CCDC186: variants seen among roughly 807,000 people sequenced by gnomAD.
CCDC186 encodes coiled-coil domain-containing protein 186.
CCDC186 carries 49 observed loss-of-function variants against 113.7 expected under a neutral mutation model. The observed-to-expected ratio is 0.43, with a 90% CI of 0.34 to 0.55. The LOEUF (loss-of-function observed/expected upper bound fraction) is 0.55, where lower values mean the gene tolerates loss of function less well. Ranked by LOEUF, CCDC186 falls within the 20% of genes least tolerant of loss-of-function variation. The pLI, the probability that CCDC186 is intolerant of heterozygous loss-of-function variation, is 0.02. For missense variants in CCDC186, 890 were observed against 1,011.1 expected, an observed-to-expected ratio of 0.88 and a Z score of 1.62; for synonymous variants, 355 against 345.8, an observed-to-expected ratio of 1.03 and a Z score of -0.30.
In CCDC186 at chr10:114,174,017, C is replaced by T. The variant is rs1352002083; in HGVS notation, c.-64G>A. On this transcript the variant is annotated splice_region_variant and 5_prime_UTR_variant, in exon 1 of 16. Coordinates refer to ENST00000369287, the MANE Select transcript of CCDC186 (RefSeq NM_018017.4). Reference sequence around the variant, plus strand: ...CCGAGTACCCCTCAGACACTTACCCCACTTATCCAAGCCTCAGGCCACGCC... The same window carrying T: ...CCGAGTACCCCTCAGACACTTACCCTACTTATCCAAGCCTCAGGCCACGCC... The T allele has an allele frequency of 2.1e-6, 1 of 471,196 alleles. No individual in the cohort carries two copies. Among genetic ancestry groups the T allele is most frequent in the African/African-American group, 2.0e-5 (1 of 50,218 alleles). The allele number at this position is 471,196 out of a possible 1,614,324, so 29.2% of individuals were successfully genotyped here. A position where few individuals can be genotyped will look rare whatever the true frequency, so the allele number is the denominator to read the frequency against.
At chr10:114,137,934 G>A (rs547822623) in intron 6 of CCDC186, among the ~76,000 whole-genome samples, 1 of 149,566 alleles carries the variant, frequency 6.7e-6, no homozygotes, top group Admixed American at 6.8e-5. Flanking sequence ...TACTCAGGAA[G>A]GCTGAAGCAG....
intron 6 of CCDC186, among the ~76,000 whole-genome samples, chr10:114,137,893 G>A (rs929730136): frequency 2.0e-5 from 3 of 152,032 alleles, no homozygotes; most frequent in South Asian, 2.1e-4. Context: ...AAAATTAGCC[G>A]GGTGTGGTGG....
At chr10:114,173,849 G>A (rs1313354964) in intron 1 of CCDC186, among the ~76,000 whole-genome samples, 166 bp downstream of exon 1, 1 of 152,174 alleles carries the variant, frequency 6.6e-6, no homozygotes. Context: ...CCCTTCCTCC[G>A]CGCCCTCAAA....
At chr10:114,155,767 T>A (rs7902330) in intron 3 of CCDC186, among the ~76,000 whole-genome samples, 9,457 of 152,226 alleles carry the variant, frequency 0.062, 324 homozygotes, top group Non-Finnish European at 0.078. Flanking sequence ...ATCATTCCAA[T>A]ATTATCAATC....
chr10:114,138,982 G>A (rs1367764568), intron 6 of CCDC186, among the ~76,000 whole-genome samples: 1 of 152,144 alleles, frequency 6.6e-6, no homozygotes, highest in Non-Finnish European at 1.5e-5. Flanking sequence ...CTTTTCCATA[G>A]ATATAATTTA....
Position 114,162,747 on chromosome 10 carries a change from C to A in CCDC186, c.522G>T (p.Glu174Asp). The change falls in exon 2 of 16, where the codon GAG becomes GAT. Residue 174 changes from glutamate (E) to aspartate (D), a missense_variant. Glu to Asp is a conservative substitution (Grantham distance 45). Transcript: ENST00000369287. Reference protein sequence around the residue: ...EEIESELLSTEFAEHRVPNGM... With the variant: ...EEIESELLSTDFAEHRVPNGM... ...CATTTGGTACTCGATGTTCTGCAAACTCCGTAGATAAGAGCTCAGATTCTA... is the reference window on the plus strand; with the variant it reads ...CATTTGGTACTCGATGTTCTGCAAAATCCGTAGATAAGAGCTCAGATTCTA... 6.2e-7 allele frequency: 1 copy of A among 1,613,916 alleles called. No homozygotes were observed. The highest frequency in any genetic ancestry group is 1.1e-5 in the South Asian group (1 of 91,054).
At chr10:114,171,990 T>C (rs1406099087) in intron 1 of CCDC186, among the ~76,000 whole-genome samples, 2 of 152,304 alleles carry the variant, frequency 1.3e-5, no homozygotes, top group East Asian at 1.9e-4. Context: ...GATTAAATTA[T>C]CTATGATCTC....
intron 6 of CCDC186, among the ~76,000 whole-genome samples, chr10:114,143,208 T>A (rs1360328411): frequency 6.6e-6 from 1 of 152,228 alleles, no homozygotes; most frequent in African/African-American, 2.4e-5. Context: ...CCTGGTTTCA[T>A]CTGAGCTCAA....
At position 114,127,598 on chromosome 10, in the gene CCDC186, G is replaced by A. The variant is rs369111615; in HGVS notation, c.2256C>T (p.Asn752=). The A allele has an allele frequency of 1.9e-6, 3 of 1,613,856 alleles. No individual in the cohort carries two copies. The highest frequency in any genetic ancestry group is 2.5e-6 in the Non-Finnish European group (3 of 1,179,972). Residue 752 remains asparagine, a synonymous_variant, in exon 14 of 16, where the codon AAC becomes AAT. Coordinates refer to ENST00000369287, the MANE Select transcript of CCDC186 (RefSeq NM_018017.4). ...ACATGGCCTTATCTACTTGTGGAAA[G>A]TTATCCACAGCTACTGAGGACCCAG... The part of the protein sequence containing the change: ...ENTGSSVAVD[N]FPQVDKAMLI...
chr10:114,130,642 G>A (rs2031057622), intron 12 of CCDC186: 2 of 152,072 alleles, frequency 1.3e-5, no homozygotes, highest in African/African-American at 2.4e-5. Context: ...GACGCATCTC[G>A]GGTATCTGCA....
intron 1 of CCDC186, among the ~76,000 whole-genome samples, chr10:114,171,676 T>C (rs1004862894): frequency 6.6e-6 from 1 of 152,222 alleles, no homozygotes; most frequent in Non-Finnish European, 1.5e-5. Context: ...CCAGAGTTGG[T>C]TAATTTGGTA....
At position 114,164,114 on chromosome 10, in the gene CCDC186, ATTTT is replaced by A. The variant is rs35615169; in HGVS notation, c.-61-789_-61-786del. On this transcript the variant is annotated intron_variant, in intron 1 of 15. Coordinates refer to ENST00000369287, the MANE Select transcript of CCDC186 (RefSeq NM_018017.4). Reference sequence around the variant, plus strand: ...TGTGTGTGTGTGTGTATATATATATATTTTTTTTTTTTTTTTTTTTTTTGGGATA... The same window carrying A: ...TGTGTGTGTGTGTGTATATATATATATTTTTTTTTTTTTTTTTTTGGGATA... Among the ~76,000 whole-genome samples the A allele has an allele frequency of 6.6e-4, 52 of 79,226 alleles. 1 individual carries two copies. The highest frequency in any genetic ancestry group is 2.2e-3 in the African/African-American group (46 of 20,538). The allele number at this position is 79,226 out of a possible 152,430, so 52.0% of individuals were successfully genotyped here. A position where few individuals can be genotyped will look rare whatever the true frequency, so the allele number is the denominator to read the frequency against.
At position 114,135,014 on chromosome 10, in the gene CCDC186, T is replaced by C. The variant is rs747603031; in HGVS notation, c.1554A>G (p.Glu518=). The change falls in exon 10 of 16, where the codon GAA becomes GAG. Residue 518 remains glutamate (E), a synonymous_variant. Coordinates refer to ENST00000369287, the MANE Select transcript of CCDC186 (RefSeq NM_018017.4). The part of the protein sequence containing the change: ...LEDERLRTED[E]LSKYKEIINR... ...TAATAATTTCCTTATATTTTGATAATTCATCTTCTGTTCTTAATCGTTCAT... is the reference window on the plus strand; with the variant it reads ...TAATAATTTCCTTATATTTTGATAACTCATCTTCTGTTCTTAATCGTTCAT... 3 of 1,611,492 alleles carry C rather than the reference T, an allele frequency of 1.9e-6. No homozygotes were observed. The South Asian group carries it at 3.3e-5, about 18-fold the overall frequency.
chr10:114,173,901 G>C, intron 1 of CCDC186, 114 bp downstream of exon 1: 3 of 396,416 alleles, frequency 7.6e-6, no homozygotes, highest in South Asian at 5.3e-5. Context: ...CCTCCACCTC[G>C]CACTCGCCCT....
chr10:114,127,587 A>G lies in CCDC186; in HGVS notation c.2267T>C (p.Val756Ala). Reference protein sequence around the residue: ...SSVAVDNFPQVDKAMLIERIV... With the variant: ...SSVAVDNFPQADKAMLIERIV... Reference sequence around the variant, plus strand: ...TCTCTCAATCAACATGGCCTTATCTACTTGTGGAAAGTTATCCACAGCTAC... The same window carrying G: ...TCTCTCAATCAACATGGCCTTATCTGCTTGTGGAAAGTTATCCACAGCTAC... Residue 756 changes from valine to alanine, a missense_variant, in exon 14 of 16, where the codon GTA becomes GCA. Physicochemically the swap from Val to Ala is moderately conservative, Grantham distance 64 (BLOSUM62 0). Transcript: ENST00000369287. 6.2e-7 allele frequency: 1 copy of G among 1,613,966 alleles called. No individual in the cohort carries two copies.
At chr10:114,131,838 C>T in intron 11 of CCDC186, 91 bp downstream of exon 11, 1 of 1,170,894 alleles carries the variant, frequency 8.5e-7, no homozygotes, top group Admixed American at 3.2e-5. Flanking sequence ...CAGGAAAGAA[C>T]TTAATTCAAC....
At position 114,123,092 on chromosome 10, in the gene CCDC186, C is replaced by T. The variant is rs1271251990; in HGVS notation, c.*2051G>A. 6.6e-6 allele frequency: 1 copy of T among 152,454 alleles called. No individual in the cohort carries two copies. Among genetic ancestry groups the T allele is most frequent in the Non-Finnish European group, 1.5e-5 (1 of 67,996 alleles). The allele number at this position is 152,454 out of a possible 1,614,324, so 9.4% of individuals were successfully genotyped here. A position where few individuals can be genotyped will look rare whatever the true frequency, so the allele number is the denominator to read the frequency against. On this transcript the variant is annotated 3_prime_UTR_variant, in exon 16 of 16. Transcript: ENST00000369287. The stretch of plus-strand genomic sequence containing the variant: ...AATCCAAATATTGTAGTTTATGAAC[C>T]TGTATCATAAGAAACTAGAAAAATT...
intron 8 of CCDC186, 22 bp from the exon 9 acceptor site, chr10:114,135,999 A>G: frequency 6.3e-7 from 1 of 1,588,350 alleles, no homozygotes; most frequent in Non-Finnish European, 8.6e-7. Flanking sequence ...TTTAAAAGAA[A>G]CAACAAATCA....
intron 10 of CCDC186, among the ~76,000 whole-genome samples, 171 bp downstream of exon 10, chr10:114,134,742 C>T (rs1174819779): frequency 6.6e-6 from 1 of 152,030 alleles, no homozygotes; most frequent in African/African-American, 2.4e-5. Context: ...GAAGCCATGA[C>T]AGAACTCAAA....
Sources: allele counts gnomAD v4.1 joint callset (sites outside exome capture counted in the v4.1 genomes callset), GRCh38; gene constraint gnomAD v4.1.1; transcripts MANE v1.5; gene names NCBI Gene and HGNC (gene_info 2026-07-23, HGNC 2026-07-21).